MGAT5: variants seen among roughly 807,000 people sequenced by gnomAD.
MGAT5 encodes alpha-1,6-mannosylglycoprotein 6-beta-N-acetylglucosaminyltransferase A.
MGAT5 carries 30 observed loss-of-function variants against 94.3 expected under a neutral mutation model. The ratio of observed to expected loss-of-function variants is 0.32; its 90% confidence interval spans 0.24 to 0.43. MGAT5 has a LOEUF of 0.43. Ranked by LOEUF, MGAT5 falls within the 20% of genes least tolerant of loss-of-function variation. The pLI is 1.00. For missense variants in MGAT5, 691 were observed against 905.5 expected, an observed-to-expected ratio of 0.76 and a Z score of 3.04; for synonymous variants, 310 against 322.9, an observed-to-expected ratio of 0.96 and a Z score of 0.43.
chr2:134,296,783 A>C (rs1487062927), intron 2 of MGAT5, among the ~76,000 whole-genome samples: 3 of 152,186 alleles, frequency 2.0e-5, no homozygotes, highest in Admixed American at 6.5e-5. Context: ...AAAAGGGAAG[A>C]TTGCAGAAAT....
intron 1 of MGAT5, among the ~76,000 whole-genome samples, chr2:134,265,724 CTTG>C (rs1683671359): frequency 6.6e-6 from 1 of 152,116 alleles, no homozygotes; most frequent in Non-Finnish European, 1.5e-5. Flanking sequence ...AAATGATAAT[CTTG>C]TTGAGGACGC....
At chr2:134,369,758 A>T (rs1000823484) in intron 10 of MGAT5, among the ~76,000 whole-genome samples, 51 of 26,852 alleles carry the variant, frequency 1.9e-3, no homozygotes, top group Admixed American at 4.3e-3. Context: ...TGTGTGTGTG[A>T]ATGACAGACT....
intron 14 of MGAT5, among the ~76,000 whole-genome samples, chr2:134,430,174 A>T (rs549785972): frequency 1.5e-4 from 23 of 152,246 alleles, no homozygotes; most frequent in Admixed American, 4.6e-4. Flanking sequence ...TCTTGAGATC[A>T]TACTAAGATC....
At chr2:134,345,167 C>A in intron 8 of MGAT5, 103 bp downstream of exon 8, 2 of 1,246,056 alleles carry the variant, frequency 1.6e-6, no homozygotes, top group Non-Finnish European at 2.2e-6. Context: ...ATCTTTTCAG[C>A]TGTATGGAGT....
chr2:134,221,435 G>C (rs1680763815), intron 1 of MGAT5, among the ~76,000 whole-genome samples: 2 of 152,158 alleles, frequency 1.3e-5, no homozygotes. Flanking sequence ...GTTTTCTTGT[G>C]CCGAAGAATC....
chr2:134,391,211 G>A (rs1392084211), intron 10 of MGAT5, among the ~76,000 whole-genome samples: 1 of 152,056 alleles, frequency 6.6e-6, no homozygotes, highest in Non-Finnish European at 1.5e-5. Context: ...GGAGGTAGGT[G>A]GTGCCGTTAG....
rs113347842 is a variant in MGAT5 at position 134,434,320 on chromosome 2, G to A, written c.1869+5881G>A. 1.6e-3 allele frequency among the ~76,000 whole-genome samples: 242 copies of A among 152,230 alleles called. 2 individuals carry two copies. The highest frequency in any genetic ancestry group is 5.3e-3 in the African/African-American group (221 of 41,512). ...GTTCATTTGTTTAGAACATTGTTCC[G>A]TCTCATAAATTGGTTGGTTATTAGA... On this transcript the variant is annotated intron_variant, in intron 14 of 15. Coordinates refer to ENST00000281923, the MANE Select transcript of MGAT5 (RefSeq NM_002410.5).
At chr2:134,371,935 T>A (rs561446546) in intron 10 of MGAT5, among the ~76,000 whole-genome samples, 1 of 138,070 alleles carries the variant, frequency 7.2e-6, no homozygotes, top group African/African-American at 3.1e-5. Flanking sequence ...TTTGTTGTTT[T>A]GTTTTGTTTA....
intron 10 of MGAT5, among the ~76,000 whole-genome samples, chr2:134,398,224 G>A (rs900234694): frequency 6.6e-6 from 1 of 152,146 alleles, no homozygotes; most frequent in African/African-American, 2.4e-5. Context: ...TTTGGATGAC[G>A]TGAGCTGTGG....
chr2:134,341,337 T>C (rs377553078), intron 6 of MGAT5, among the ~76,000 whole-genome samples: 6 of 152,344 alleles, frequency 3.9e-5, no homozygotes, highest in African/African-American at 1.4e-4. Flanking sequence ...CACTGTGCTT[T>C]TAAAAGGTGG....
chr2:134,213,557 C>T (rs960736900), intron 1 of MGAT5, among the ~76,000 whole-genome samples: 15 of 152,168 alleles, frequency 9.9e-5, no homozygotes, highest in Admixed American at 5.2e-4. Flanking sequence ...CACAAAACTG[C>T]CCCCACTTCA....
chr2:134,395,637 C>T (rs923560355), intron 10 of MGAT5, among the ~76,000 whole-genome samples: 1 of 152,134 alleles, frequency 6.6e-6, no homozygotes, highest in Non-Finnish European at 1.5e-5. Context: ...CTAAAAGAAC[C>T]ATTAAGTGGT....
Position 134,448,721 on chromosome 2 carries a change from G to A in MGAT5, c.2100G>A (p.Lys700=), listed in dbSNP as rs1294531245. The A allele has an allele frequency of 6.2e-7, 1 of 1,614,210 alleles. No homozygotes were observed. Among genetic ancestry groups the A allele is most frequent in the Non-Finnish European group, 8.5e-7 (1 of 1,180,034 alleles). ...ILVPSFDPKN[K]HCVFQGDLLL... ...TGCCCTCCTTTGACCCTAAGAATAA[G>A]CACTGTGTGTTTCAAGGTGACCTCC... Residue 700 remains lysine (K), a synonymous_variant, in exon 16 of 16, where the codon AAG becomes AAA. Transcript: ENST00000281923.
At chr2:134,338,771 T>C (rs1688473506) in intron 6 of MGAT5, among the ~76,000 whole-genome samples, 1 of 152,190 alleles carries the variant, frequency 6.6e-6, no homozygotes, top group Non-Finnish European at 1.5e-5. Flanking sequence ...TTTTGTATTT[T>C]TGTTGTTTTT....
chr2:134,251,348 T>A (rs537072841), upstream of MGAT5, among the ~76,000 whole-genome samples: 1 of 152,276 alleles, frequency 6.6e-6, no homozygotes, highest in East Asian at 1.9e-4. Flanking sequence ...CAATATAGAC[T>A]TGGCGCGGAG....
intron 15 of MGAT5, among the ~76,000 whole-genome samples, chr2:134,447,726 G>T (rs1685870630): frequency 1.3e-5 from 2 of 152,238 alleles, no homozygotes; most frequent in African/African-American, 4.8e-5. Context: ...TATGAGATAA[G>T]AGGCCAAAAC....
At chr2:134,384,301 ACAATGCT>A (rs1681830136) in intron 10 of MGAT5, among the ~76,000 whole-genome samples, 1 of 151,468 alleles carries the variant, frequency 6.6e-6, no homozygotes, top group Non-Finnish European at 1.5e-5. Flanking sequence ...CTCCGGGCAT[ACAATGCT>A]CTTGCCCCTA....
chr2:134,419,045 C>T (rs1456731128), intron 12 of MGAT5, among the ~76,000 whole-genome samples: 1 of 152,200 alleles, frequency 6.6e-6, no homozygotes. Context: ...TATCTTTTTT[C>T]CTTAGCAAAT....
chr2:134,420,046 C>T (rs1684210098), intron 12 of MGAT5, among the ~76,000 whole-genome samples: 1 of 152,106 alleles, frequency 6.6e-6, no homozygotes, highest in African/African-American at 2.4e-5. Context: ...TTACATTGGG[C>T]CTTTGTCTTA....
Sources: gnomAD v4.1 joint callset for allele counts (sites outside exome capture counted in the v4.1 genomes callset) on GRCh38, gnomAD v4.1.1 for gene constraint, MANE v1.5 for transcripts, NCBI Gene and HGNC (gene_info 2026-07-23, HGNC 2026-07-21) for gene names.